The following DLGAP1 variants were observed in gnomAD, a reference collection of about 807,000 sequenced individuals.
DLGAP1 encodes disks large-associated protein 1.
A neutral mutation model predicts 90.8 loss-of-function variants in DLGAP1; 11 were observed. The observed-to-expected ratio is 0.12, with a 90% confidence interval of 0.08 to 0.20. DLGAP1 has a LOEUF of 0.20. Among genes scored for constraint, DLGAP1 ranks in the 10% least tolerant of loss-of-function variants. The pLI, the probability that DLGAP1 is intolerant of heterozygous loss-of-function variation, is 1.00. For missense variants in DLGAP1, 1,050 were observed against 1,333.8 expected (o/e 0.79, Z 3.31); for synonymous variants, 558 against 540.7 (o/e 1.03, Z -0.44).
intron 1 of DLGAP1, among the ~76,000 whole-genome samples, chr18:4,312,602 G>C (rs979812115): frequency 1.3e-5 from 2 of 152,096 alleles, no homozygotes; most frequent in African/African-American, 4.8e-5. Flanking sequence ...CGCAAGATGA[G>C]GGGCATCTGT....
intron 7 of DLGAP1, chr18:3,608,011 G>A (rs770793981): frequency 2.6e-5 from 4 of 152,202 alleles, no homozygotes; most frequent in Non-Finnish European, 5.9e-5. Flanking sequence ...GGCTGCCATC[G>A]GGGGACCACA....
At chr18:3,841,579 G>A (rs1407420486) in intron 4 of DLGAP1, among the ~76,000 whole-genome samples, 1 of 152,152 alleles carries the variant, frequency 6.6e-6, no homozygotes, top group African/African-American at 2.4e-5. Flanking sequence ...GAGTCAAACA[G>A]ACTGAGGGTC....
At chr18:4,177,186 T>C (rs1326973717) in intron 1 of DLGAP1, among the ~76,000 whole-genome samples, 3 of 152,146 alleles carry the variant, frequency 2.0e-5, no homozygotes, top group Non-Finnish European at 4.4e-5. Context: ...AGTGACTGTT[T>C]GATTCTTCAG....
intron 2 of DLGAP1, among the ~76,000 whole-genome samples, chr18:4,104,779 T>C (rs1486420868): frequency 6.6e-6 from 1 of 152,200 alleles, no homozygotes; most frequent in Non-Finnish European, 1.5e-5. Flanking sequence ...AAGGGGTTGG[T>C]CCTGGTGACT....
At chr18:3,905,856 T>G (rs1023415483) in intron 3 of DLGAP1, among the ~76,000 whole-genome samples, 1 of 152,232 alleles carries the variant, frequency 6.6e-6, no homozygotes, top group African/African-American at 2.4e-5. Context: ...CAGCATGCCT[T>G]ACTCTACAAA....
At chr18:3,756,858 A>C (rs910960560) in intron 5 of DLGAP1, among the ~76,000 whole-genome samples, 2 of 152,032 alleles carry the variant, frequency 1.3e-5, no homozygotes, top group African/African-American at 4.8e-5. Context: ...TTCTAAAAAA[A>C]CCCCCAAATT....
chr18:3,882,046 T>TC (rs1250021672), intron 3 of DLGAP1, among the ~76,000 whole-genome samples: 1 of 151,556 alleles, frequency 6.6e-6, no homozygotes, highest in Non-Finnish European at 1.5e-5. Flanking sequence ...ACACAAACAA[T>TC]CCCCCCAGGT....
chr18:3,889,399 T>C (rs1440486317), intron 3 of DLGAP1, among the ~76,000 whole-genome samples: 1 of 152,268 alleles, frequency 6.6e-6, no homozygotes, highest in Middle Eastern at 3.4e-3. Flanking sequence ...CACAGCCAGA[T>C]TTTATATATA....
chr18:4,387,922 A>ATCTC lies in DLGAP1; in HGVS notation c.-267+67083_-267+67084insGAGA, dbSNP rs200074222. Among the ~76,000 whole-genome samples, 44 of 31,670 alleles carry ATCTC rather than the reference A, an allele frequency of 1.4e-3. 1 individual carries two copies. The South Asian group carries it at 0.015, about 11-fold the overall frequency. The allele number at this position is 31,670 out of a possible 152,430, so 20.8% of individuals were successfully genotyped here. Reference sequence around the variant, plus strand: ...CTCCAGCCTGGGTGACAGAGACTCCATCACACATACACACACACACACACA... The same window carrying ATCTC: ...CTCCAGCCTGGGTGACAGAGACTCCATCTCTCACACATACACACACACACACACA... On this transcript the variant is annotated intron_variant, in intron 1 of 12. Transcript: ENST00000315677.
intron 2 of DLGAP1, among the ~76,000 whole-genome samples, chr18:4,027,744 T>C (rs1342973399): frequency 6.6e-6 from 1 of 152,156 alleles, no homozygotes; most frequent in African/African-American, 2.4e-5. Context: ...CTTAGAACTT[T>C]GTTGTTGCAA....
chr18:4,183,111 A>G (rs1299076606), intron 1 of DLGAP1, among the ~76,000 whole-genome samples: 1 of 152,178 alleles, frequency 6.6e-6, no homozygotes, highest in Non-Finnish European at 1.5e-5. Context: ...TGTGAACAAA[A>G]CAGCTTTTTA....
At chr18:4,324,851 T>C (rs2080780429) in intron 1 of DLGAP1, among the ~76,000 whole-genome samples, 1 of 152,138 alleles carries the variant, frequency 6.6e-6, no homozygotes, top group African/African-American at 2.4e-5. Context: ...AACTAGGCAC[T>C]GAAGGAATAT....
chr18:4,405,534 T>A (rs1339613628), intron 1 of DLGAP1, among the ~76,000 whole-genome samples: 1 of 152,186 alleles, frequency 6.6e-6, no homozygotes, highest in Non-Finnish European at 1.5e-5. Context: ...TCAGCAAGTT[T>A]GCCACTTTCT....
At chr18:4,187,001 T>A (rs1393853740) in intron 1 of DLGAP1, among the ~76,000 whole-genome samples, 1 of 152,188 alleles carries the variant, frequency 6.6e-6, no homozygotes, top group Non-Finnish European at 1.5e-5. Context: ...AGGTATTGTC[T>A]TTCTTTGGTG....
At chr18:3,699,703 C>G (rs2061215001) in intron 7 of DLGAP1, among the ~76,000 whole-genome samples, 1 of 152,196 alleles carries the variant, frequency 6.6e-6, no homozygotes, top group African/African-American at 2.4e-5. Flanking sequence ...AGCTGTCAGA[C>G]AGAAACGTTT....
chr18:3,793,516 A>C (rs2065842260), intron 5 of DLGAP1, among the ~76,000 whole-genome samples: 1 of 152,020 alleles, frequency 6.6e-6, no homozygotes, highest in African/African-American at 2.4e-5. Flanking sequence ...TTTCTTCTTG[A>C]TAGAGCAGCC....
chr18:3,892,944 G>C (rs897616883), intron 3 of DLGAP1, among the ~76,000 whole-genome samples: 1 of 149,286 alleles, frequency 6.7e-6, no homozygotes, highest in Non-Finnish European at 1.5e-5. Flanking sequence ...AGGTTTAGGG[G>C]ATACAAGTGC....
chr18:3,948,469 C>A (rs2072918733), intron 3 of DLGAP1, among the ~76,000 whole-genome samples: 1 of 152,198 alleles, frequency 6.6e-6, no homozygotes. Context: ...CTCCTTCCTA[C>A]TGCCTGCCTC....
chr18:3,545,205 T>G, intron 9 of DLGAP1, among the ~76,000 whole-genome samples: 2 of 151,000 alleles, frequency 1.3e-5, no homozygotes, highest in Non-Finnish European at 1.5e-5. Context: ...ACCCAGGAGG[T>G]GGAGGCTGCA....
Sources: allele counts gnomAD v4.1 joint callset (sites outside exome capture counted in the v4.1 genomes callset), GRCh38; gene constraint gnomAD v4.1.1; transcripts MANE v1.5; gene names NCBI Gene and HGNC (gene_info 2026-07-23, HGNC 2026-07-21).